Variants in TMEM45B observed in about 807,000 individuals in gnomAD.
TMEM45B encodes transmembrane protein 45B.
A neutral mutation model predicts 27.3 loss-of-function variants in TMEM45B; 29 were observed. The observed-to-expected ratio is 1.06, with a 90% CI of 0.79 to 1.45. TMEM45B has a LOEUF of 1.45. TMEM45B is among the 40% of genes most tolerant of loss of function. The pLI is 0.00. For synonymous variants in TMEM45B, 143 were observed against 134.7 expected (o/e 1.06, Z -0.43); for missense variants, 348 against 343.9 (o/e 1.01, Z -0.09).
intron 1 of TMEM45B, among the ~76,000 whole-genome samples, chr11:129,820,926 T>C (rs1334826534): frequency 6.6e-6 from 1 of 152,152 alleles, no homozygotes; most frequent in African/African-American, 2.4e-5. Context: ...CCATTTCTTC[T>C]TCTCTTTTCC....
chr11:129,852,889 A>G (rs1305535732), intron 2 of TMEM45B: 7 of 385,104 alleles, frequency 1.8e-5, no homozygotes, highest in Non-Finnish European at 3.2e-5. Flanking sequence ...ACTCAAATCA[A>G]CAAGGACACA....
chr11:129,845,271 A>ATG (rs10537485), intron 1 of TMEM45B, among the ~76,000 whole-genome samples: 2,235 of 140,304 alleles, frequency 0.016, 51 homozygotes, highest in African/African-American at 0.025. Context: ...GTGTGTGTGT[A>ATG]TGTGTGTGTG....
At chr11:129,839,071 T>C (rs926914057) in intron 1 of TMEM45B, among the ~76,000 whole-genome samples, 2 of 152,186 alleles carry the variant, frequency 1.3e-5, no homozygotes, top group Admixed American at 6.6e-5. Context: ...ATTTTCTCTT[T>C]CTGACTCCTT....
chr11:129,838,042 A>G (rs1441657727), intron 1 of TMEM45B, among the ~76,000 whole-genome samples: 1 of 152,064 alleles, frequency 6.6e-6, no homozygotes, highest in Non-Finnish European at 1.5e-5. Context: ...TCAGCCTCCC[A>G]AAGTGCTGGG....
intron 1 of TMEM45B, among the ~76,000 whole-genome samples, chr11:129,832,091 C>A (rs10894148): frequency 0.11 from 13,540 of 120,972 alleles, 728 homozygotes; most frequent in Admixed American, 0.14. Flanking sequence ...AAAAAAGGAT[C>A]CGGACACAGT....
At chr11:129,820,310 C>A (rs11826464) in intron 1 of TMEM45B, among the ~76,000 whole-genome samples, 20,991 of 138,866 alleles carry the variant, frequency 0.15, 1,705 homozygotes, top group South Asian at 0.29. Flanking sequence ...GAGCGAAACT[C>A]CATCTCAAAA....
chr11:129,847,969 CAG>C (rs1257240585), intron 1 of TMEM45B, among the ~76,000 whole-genome samples: 5 of 151,936 alleles, frequency 3.3e-5, no homozygotes, highest in African/African-American at 9.7e-5. Context: ...GGCGGCCGGG[CAG>C]AGACGCTCCT....
intron 3 of TMEM45B, 96 bp from the exon 4 acceptor site, chr11:129,855,612 A>G (rs2135607565): frequency 1.6e-6 from 2 of 1,280,750 alleles, no homozygotes; most frequent in East Asian, 4.6e-5. Flanking sequence ...AACTGCCTAA[A>G]TGCTGAAGAA....
intron 1 of TMEM45B, among the ~76,000 whole-genome samples, chr11:129,847,866 T>C (rs1468463247): frequency 4.6e-5 from 7 of 152,080 alleles, no homozygotes; most frequent in African/African-American, 1.7e-4. Flanking sequence ...AAACCGCCAT[T>C]GTCATCATGG....
At chr11:129,848,681 G>T (rs1375717403) in intron 1 of TMEM45B, among the ~76,000 whole-genome samples, 1 of 152,210 alleles carries the variant, frequency 6.6e-6, no homozygotes, top group Non-Finnish European at 1.5e-5. Context: ...ACATTCCGGG[G>T]TGGTCTTTTC....
At chr11:129,851,543 C>CAAAAAAAAAAAAAAAAAAAAAAAAA (rs71057982) in intron 1 of TMEM45B, among the ~76,000 whole-genome samples, 119 of 54,714 alleles carry the variant, frequency 2.2e-3, no homozygotes, top group Non-Finnish European at 3.3e-3. Flanking sequence ...AACTCTGCCT[C>CAAAAAAAAAAAAAAAAAAAAAAAAA]AAAAAAAAAA....
intron 1 of TMEM45B, among the ~76,000 whole-genome samples, chr11:129,837,585 C>CTGTTTTTTTTTTTTTTTT (rs1947636878): frequency 1.2e-5 from 1 of 80,294 alleles, no homozygotes; most frequent in Non-Finnish European, 2.5e-5. Flanking sequence ...CTGCACTGGG[C>CTGTTTTTTTTTTTTTTTT]TTTTTTTTTT....
intron 4 of TMEM45B, 80 bp from the exon 5 acceptor site, chr11:129,857,233 T>G (rs935936277): frequency 1.0e-5 from 16 of 1,547,546 alleles, no homozygotes; most frequent in Middle Eastern, 1.8e-4. Context: ...CATGGGCCAC[T>G]TCGGTGGCCA....
intron 1 of TMEM45B, among the ~76,000 whole-genome samples, chr11:129,826,832 C>T (rs1419242907): frequency 1.3e-5 from 2 of 151,640 alleles, no homozygotes; most frequent in Admixed American, 1.3e-4. Context: ...CTCAGCCTCC[C>T]GAGTAGCTGG....
intron 5 of TMEM45B, 76 bp from the exon 6 acceptor site, chr11:129,858,498 G>A: frequency 3.1e-6 from 3 of 954,560 alleles, no homozygotes; most frequent in Non-Finnish European, 4.8e-6. Context: ...TTAAGAATCA[G>A]TAGATGCCTT....
At chr11:129,822,827 G>A (rs1293589915) in intron 1 of TMEM45B, among the ~76,000 whole-genome samples, 1 of 151,196 alleles carries the variant, frequency 6.6e-6, no homozygotes, top group East Asian at 1.9e-4. Context: ...GGATTATATT[G>A]GGAAAACATT....
intron 1 of TMEM45B, among the ~76,000 whole-genome samples, chr11:129,847,975 C>T (rs1193012486): frequency 2.7e-5 from 4 of 150,716 alleles, no homozygotes; most frequent in Non-Finnish European, 3.0e-5. Flanking sequence ...CGGGCAGAGA[C>T]GCTCCTCACT....
chr11:129,828,259 A>T (rs951411227), intron 1 of TMEM45B: 1 of 152,256 alleles, frequency 6.6e-6, no homozygotes, highest in Non-Finnish European at 1.5e-5. Context: ...GGGAGGTAAC[A>T]GAATTCTTTT....
In TMEM45B at chr11:129,854,726, T is replaced by C. The variant is rs1361272050; in HGVS notation, c.295T>C (p.Ser99Pro). The change falls in exon 3 of 6, where the codon TCA becomes CCA. Residue 99 changes from serine (S) to proline (P), a missense_variant. Transcript: ENST00000281441. The part of the protein sequence containing the change: ...HSTMYLFFAV[S>P]GIVDMLTYLV... Reference sequence around the variant, plus strand: ...CACCATGTACCTATTCTTTGCAGTCTCAGGAATTGTTGACATGCTCACCTA... The same window carrying C: ...CACCATGTACCTATTCTTTGCAGTCCCAGGAATTGTTGACATGCTCACCTA... 1 of 1,614,214 alleles carries C rather than the reference T, an allele frequency of 6.2e-7. No homozygotes were observed. Among genetic ancestry groups the C allele is most frequent in the East Asian group, 2.2e-5 (1 of 44,886 alleles).
Sources: allele counts gnomAD v4.1 joint callset (sites outside exome capture counted in the v4.1 genomes callset), GRCh38; gene constraint gnomAD v4.1.1; transcripts MANE v1.5; gene names NCBI Gene and HGNC (gene_info 2026-07-23, HGNC 2026-07-21).